GOLM2: variants seen among roughly 807,000 people sequenced by gnomAD.
GOLM2 encodes the protein protein GOLM2.
A neutral mutation model predicts 55.9 loss-of-function variants in GOLM2; 26 were observed. That is an observed-to-expected ratio of 0.47 (90% CI 0.34 to 0.65). The LOEUF (loss-of-function observed/expected upper bound fraction) is 0.65. Ranked by LOEUF, GOLM2 falls within the 30% of genes least tolerant of loss-of-function variation. GOLM2 has a pLI of 0.01. For missense variants in GOLM2, 486 were observed against 531.8 expected, an observed-to-expected ratio of 0.91 and a Z score of 0.85; for synonymous variants, 165 against 194.6, an observed-to-expected ratio of 0.85 and a Z score of 1.27.
At chr15:44,392,265 C>A (rs2079495759) in intron 8 of GOLM2, among the ~76,000 whole-genome samples, 1 of 152,042 alleles carries the variant, frequency 6.6e-6, no homozygotes, top group Non-Finnish European at 1.5e-5. Context: ...AGTTGGACAG[C>A]AAAACTAAGA....
chr15:44,373,175 C>A (rs1048059326), intron 6 of GOLM2, among the ~76,000 whole-genome samples: 2 of 152,172 alleles, frequency 1.3e-5, no homozygotes, highest in African/African-American at 2.4e-5. Flanking sequence ...CAGTTCTGGG[C>A]GGCCGGGCAC....
chr15:44,314,472 T>C (rs1325462827), intron 1 of GOLM2, among the ~76,000 whole-genome samples: 1 of 151,566 alleles, frequency 6.6e-6, no homozygotes, highest in African/African-American at 2.4e-5. Context: ...GGTGGGAGAA[T>C]TGCTTGAACC....
At chr15:44,357,043 A>G (rs1457316864) in intron 6 of GOLM2, among the ~76,000 whole-genome samples, 2 of 151,794 alleles carry the variant, frequency 1.3e-5, no homozygotes, top group Non-Finnish European at 2.9e-5. Context: ...GTGGTGGCAC[A>G]CCCCTGTGGT....
At chr15:44,400,574 C>CA (rs1411083873) in intron 8 of GOLM2, among the ~76,000 whole-genome samples, 2 of 111,022 alleles carry the variant, frequency 1.8e-5, no homozygotes, top group South Asian at 2.8e-4. Context: ...GCCTTGCCGC[C>CA]TTTTTTTTTT....
chr15:44,378,584 C>T (rs1323317629), intron 6 of GOLM2, among the ~76,000 whole-genome samples: 1 of 149,262 alleles, frequency 6.7e-6, no homozygotes, highest in Non-Finnish European at 1.5e-5. Flanking sequence ...GGCGACAGAG[C>T]AAGACTCTGT....
rs558457226 is a variant in GOLM2, at chr15:44,395,016, T to G, written c.1073-7871T>G. Among the ~76,000 whole-genome samples, 414 of 151,628 alleles carry G rather than the reference T, an allele frequency of 2.7e-3. 3 individuals are homozygous for G. Among genetic ancestry groups the G allele is most frequent in the African/African-American group, 9.7e-3 (402 of 41,470 alleles). ...ATTAATGACATAAAAATATAAACTT[T>G]TTTTTTTTTTTGAGACGGAGTCTCG... On this transcript the variant is annotated intron_variant, in intron 8 of 9. Transcript: ENST00000299957.
intron 6 of GOLM2, among the ~76,000 whole-genome samples, chr15:44,352,403 A>G (rs1023829738): frequency 7.9e-5 from 12 of 152,174 alleles, no homozygotes; most frequent in African/African-American, 2.7e-4. Flanking sequence ...GTCTCTCACC[A>G]CATACAAAAG....
intron 8 of GOLM2, among the ~76,000 whole-genome samples, chr15:44,391,526 A>G (rs1321079620): frequency 6.6e-6 from 1 of 152,004 alleles, no homozygotes; most frequent in Non-Finnish European, 1.5e-5. Flanking sequence ...CAAAAAAAAA[A>G]AAAGAAATTG....
intron 6 of GOLM2, among the ~76,000 whole-genome samples, chr15:44,359,313 C>T (rs996046068): frequency 5.9e-5 from 9 of 151,840 alleles, no homozygotes; most frequent in African/African-American, 1.9e-4. Context: ...AGAGGCCAGG[C>T]GCAGTGGCTC....
intron 6 of GOLM2, among the ~76,000 whole-genome samples, chr15:44,358,123 G>A (rs1323678280): frequency 6.6e-6 from 1 of 152,222 alleles, no homozygotes; most frequent in Admixed American, 6.5e-5. Flanking sequence ...GGAGGCCAAG[G>A]CAGGCAGATC....
intron 8 of GOLM2, among the ~76,000 whole-genome samples, chr15:44,399,553 A>C (rs1010045126): frequency 6.6e-6 from 1 of 152,198 alleles, no homozygotes; most frequent in Non-Finnish European, 1.5e-5. Flanking sequence ...AAAAAAAGGA[A>C]ATTTTAAATT....
At chr15:44,377,947 AAAGTTT>A (rs2141191363) in intron 6 of GOLM2, among the ~76,000 whole-genome samples, 1 of 151,378 alleles carries the variant, frequency 6.6e-6, no homozygotes, top group African/African-American at 2.4e-5. Context: ...TACTACAGTT[AAAGTTT>A]AATTTCTTTG....
intron 6 of GOLM2, among the ~76,000 whole-genome samples, chr15:44,365,560 A>T (rs2079277990): frequency 6.6e-6 from 1 of 152,184 alleles, no homozygotes; most frequent in Admixed American, 6.6e-5. Context: ...GCATATTACT[A>T]AATGAAAAAA....
chr15:44,413,377 G>A lies in GOLM2; in HGVS notation c.1282G>A (p.Gly428Arg), dbSNP rs775537905. 2.5e-6 allele frequency: 4 copies of A among 1,610,972 alleles called. No homozygotes were observed. The highest frequency in any genetic ancestry group is 3.4e-6 in the Non-Finnish European group (4 of 1,179,200). ...GCTTCAAATGGATCCTGCAGACTAT[G>A]GAAAGCAACATTTCAATGATGTCCT... is the stretch of plus-strand genomic sequence containing the variant. ...RELQMDPADY[G>R]KQHFNDVL Residue 428 changes from glycine to arginine, a missense_variant, in exon 10 of 10, where the codon GGA (glycine) becomes AGA (arginine). By Grantham distance (125) the Gly-to-Arg change is moderately radical. Coordinates refer to ENST00000299957, the MANE Select transcript of GOLM2 (RefSeq NM_138423.4).
At chr15:44,410,198 G>A (rs911081676) in intron 9 of GOLM2, among the ~76,000 whole-genome samples, 5 of 152,138 alleles carry the variant, frequency 3.3e-5, no homozygotes, top group African/African-American at 1.2e-4. Flanking sequence ...CAGCACTTTG[G>A]GAGGCCGAGG....
At chr15:44,306,223 G>C (rs1206219963) in intron 1 of GOLM2, among the ~76,000 whole-genome samples, 1 of 152,140 alleles carries the variant, frequency 6.6e-6, no homozygotes, top group Non-Finnish European at 1.5e-5. Flanking sequence ...AGTGATCTTA[G>C]CTAGATTTTC....
chr15:44,295,447 C>T (rs1160167780), intron 1 of GOLM2, among the ~76,000 whole-genome samples: 1 of 152,180 alleles, frequency 6.6e-6, no homozygotes, highest in South Asian at 2.1e-4. Flanking sequence ...GAGAAACAAC[C>T]CCCACTTCTC....
intron 1 of GOLM2, among the ~76,000 whole-genome samples, chr15:44,295,486 T>G (rs1055127781): frequency 6.6e-6 from 1 of 152,236 alleles, no homozygotes; most frequent in African/African-American, 2.4e-5. Context: ...TCTGATTTTT[T>G]AAACTTCCCT....
chr15:44,318,358 C>G (rs1208891182), intron 1 of GOLM2, among the ~76,000 whole-genome samples: 6 of 152,250 alleles, frequency 3.9e-5, no homozygotes, highest in Non-Finnish European at 7.3e-5. Flanking sequence ...CTCCCTCCTT[C>G]TCATCTTGCC....
Sources: gnomAD v4.1 joint callset for allele counts (sites outside exome capture counted in the v4.1 genomes callset) on GRCh38, gnomAD v4.1.1 for gene constraint, MANE v1.5 for transcripts, NCBI Gene and HGNC (gene_info 2026-07-23, HGNC 2026-07-21) for gene names.